The following EPHA5 variants were observed in gnomAD, a reference collection of about 807,000 sequenced individuals.
EPHA5 encodes the protein EPH receptor A5.
A neutral mutation model predicts 105.0 loss-of-function variants in EPHA5; 60 were observed. The ratio of observed to expected loss-of-function variants is 0.57; its 90% CI spans 0.46 to 0.71. The LOEUF (loss-of-function observed/expected upper bound fraction) is 0.71, where lower values mean the gene tolerates loss of function less well. Ranked by LOEUF, EPHA5 falls within the 30% of genes least tolerant of loss-of-function variation. The pLI, the probability that EPHA5 is intolerant of heterozygous loss-of-function variation, is 0.00. For synonymous variants in EPHA5, 513 were observed against 449.1 expected, an observed-to-expected ratio of 1.14 and a Z score of -1.80; for missense variants, 1,218 against 1,274.7, an observed-to-expected ratio of 0.96 and a Z score of 0.68.
At chr4:65,458,925 A>T (rs1012895864) in intron 5 of EPHA5, among the ~76,000 whole-genome samples, 4 of 152,114 alleles carry the variant, frequency 2.6e-5, no homozygotes, top group Non-Finnish European at 4.4e-5. Context: ...CATTAATATA[A>T]ATCAAAATAT....
At chr4:65,439,881 A>T (rs1051834402) in intron 5 of EPHA5, among the ~76,000 whole-genome samples, 1 of 152,130 alleles carries the variant, frequency 6.6e-6, no homozygotes, top group Non-Finnish European at 1.5e-5. Context: ...GATATTTTTA[A>T]AAAGCAAAAA....
At chr4:65,599,711 G>A (rs1743525406) in intron 3 of EPHA5, among the ~76,000 whole-genome samples, 1 of 152,116 alleles carries the variant, frequency 6.6e-6, no homozygotes, top group South Asian at 2.1e-4. Context: ...GTCCAGTTAA[G>A]TAAAGTTTTC....
rs563002661 is a variant in EPHA5 at position 65,382,640 on chromosome 4, A to G, written c.1794-15216T>C. On this transcript the variant is annotated intron_variant, in intron 8 of 16. Coordinates refer to ENST00000613740, the MANE Select transcript of EPHA5 (RefSeq NM_001281766.3). ...CAACAGTTCTCTACTCATGTGTAAC[A>G]CAGTGGTTCCAAACCTGGCTACACA... 9.2e-4 allele frequency among the ~76,000 whole-genome samples: 140 copies of G among 151,964 alleles called. 2 individuals are homozygous for G. The Middle Eastern group carries it at 0.014, about 15-fold the overall frequency.
intron 3 of EPHA5, among the ~76,000 whole-genome samples, chr4:65,590,281 G>A (rs1307566410): frequency 3.3e-5 from 5 of 152,052 alleles, no homozygotes; most frequent in Non-Finnish European, 7.4e-5. Context: ...AATCACTTTG[G>A]TTCTTACAGA....
intron 3 of EPHA5, among the ~76,000 whole-genome samples, chr4:65,518,787 C>A (rs1407595460): frequency 6.6e-6 from 1 of 151,814 alleles, no homozygotes; most frequent in African/African-American, 2.4e-5. Flanking sequence ...TCCCTGAGTA[C>A]AACAATAACA....
intron 1 of EPHA5, among the ~76,000 whole-genome samples, chr4:65,665,271 T>C (rs531054112): frequency 6.6e-6 from 1 of 152,006 alleles, no homozygotes; most frequent in East Asian, 1.9e-4. Flanking sequence ...GCAAATACAT[T>C]TAAAAAAGCA....
At chr4:65,416,697 G>A (rs534552738) in intron 6 of EPHA5, among the ~76,000 whole-genome samples, 3 of 152,236 alleles carry the variant, frequency 2.0e-5, no homozygotes, top group South Asian at 2.1e-4. Flanking sequence ...AACTGTTAAC[G>A]TTATGTATGT....
intron 8 of EPHA5, among the ~76,000 whole-genome samples, chr4:65,399,013 A>T (rs1397519909): frequency 6.6e-6 from 1 of 152,172 alleles, no homozygotes; most frequent in African/African-American, 2.4e-5. Context: ...ACGCCTCTCA[A>T]CTACACTCAC....
At chr4:65,531,472 T>C (rs1436892772) in intron 3 of EPHA5, among the ~76,000 whole-genome samples, 2 of 146,028 alleles carry the variant, frequency 1.4e-5, no homozygotes, top group South Asian at 2.1e-4. Flanking sequence ...CTTTGCAGAA[T>C]GACCATGATC....
At chr4:65,567,448 T>A (rs62300404) in intron 3 of EPHA5, among the ~76,000 whole-genome samples, 40,017 of 151,334 alleles carry the variant, frequency 0.26, 5,546 homozygotes, top group Middle Eastern at 0.39. Context: ...AACTTCAGAA[T>A]TTGGCTTTGT....
Position 65,323,589 on chromosome 4 carries a change from C to T in EPHA5, c.*525G>A. The T allele has an allele frequency of 4.3e-6, 1 of 230,194 alleles. No individual in the cohort carries two copies. Among genetic ancestry groups the T allele is most frequent in the African/African-American group, 2.2e-5 (1 of 45,240 alleles). The allele number at this position is 230,194 out of a possible 1,614,324, so 14.3% of individuals were successfully genotyped here. On this transcript the variant is annotated 3_prime_UTR_variant, in exon 17 of 17. Transcript: ENST00000613740. ...GTTTCTATAACTTAACGCTGTGTAACAGCATTTTAAAATTACAAAAGAAGA... is the reference window on the plus strand; with the variant it reads ...GTTTCTATAACTTAACGCTGTGTAATAGCATTTTAAAATTACAAAAGAAGA...
chr4:65,361,867 T>C (rs1717360426), intron 11 of EPHA5, among the ~76,000 whole-genome samples: 1 of 151,612 alleles, frequency 6.6e-6, no homozygotes, highest in Non-Finnish European at 1.5e-5. Flanking sequence ...GATCTTCCTT[T>C]GGTCAGTTTG....
At chr4:65,491,023 A>G (rs952796392) in intron 4 of EPHA5, among the ~76,000 whole-genome samples, 1 of 152,048 alleles carries the variant, frequency 6.6e-6, no homozygotes, top group African/African-American at 2.4e-5. Context: ...AAAATTATAT[A>G]TTTATAAACT....
chr4:65,545,238 C>A (rs909332304), intron 3 of EPHA5, among the ~76,000 whole-genome samples: 1 of 151,800 alleles, frequency 6.6e-6, no homozygotes, highest in Non-Finnish European at 1.5e-5. Flanking sequence ...GCTATCTTCC[C>A]TTCACTTAAC....
At chr4:65,457,374 G>A (rs1463645771) in intron 5 of EPHA5, among the ~76,000 whole-genome samples, 1 of 152,096 alleles carries the variant, frequency 6.6e-6, no homozygotes, top group Non-Finnish European at 1.5e-5. Context: ...AGCATTGAAT[G>A]ATTTGATTGA....
Position 65,669,728 on chromosome 4 carries a change from C to A in EPHA5, c.15G>T (p.Gly5=), listed in dbSNP as rs56063908. MRGS[G]PRGAGRRRPP... ...GCCGCCGGCGTCCCGCACCCCGGGGCCCCGAGCCCCGCATCTTCTCCGAGC... is the reference window on the plus strand; with the variant it reads ...GCCGCCGGCGTCCCGCACCCCGGGGACCCGAGCCCCGCATCTTCTCCGAGC... Residue 5 remains glycine (G), a synonymous_variant, in exon 1 of 17, where the codon GGG becomes GGT. Coordinates refer to ENST00000613740, the MANE Select transcript of EPHA5 (RefSeq NM_001281766.3). 2.3e-5 allele frequency: 29 copies of A among 1,264,812 alleles called. No homozygotes were observed. Among genetic ancestry groups the A allele is most frequent in the Non-Finnish European group, 5.0e-6 (5 of 1,004,116 alleles). 78.3% of individuals were successfully genotyped at this position (1,264,812 alleles called of 1,614,324 possible).
chr4:65,588,609 A>C (rs1292258431), intron 3 of EPHA5, among the ~76,000 whole-genome samples: 1 of 151,920 alleles, frequency 6.6e-6, no homozygotes, highest in Non-Finnish European at 1.5e-5. Context: ...AATTTCTTAT[A>C]CCCTCAGTTT....
In EPHA5 at chr4:65,601,529, C is replaced by T. The variant is rs1175281897; in HGVS notation, c.910+112G>A. The T allele has an allele frequency of 9.5e-6, 10 of 1,057,732 alleles. No homozygotes were observed. The East Asian group carries it at 1.9e-4, about 20-fold the overall frequency. The allele number at this position is 1,057,732 out of a possible 1,614,324, so 65.5% of individuals were successfully genotyped here. Reference sequence around the variant, plus strand: ...AAAAATAAAACTTGAGAGAAATAATCTCCATAAATTAGCAAAGTAAAAGGT... The same window carrying T: ...AAAAATAAAACTTGAGAGAAATAATTTCCATAAATTAGCAAAGTAAAAGGT... On this transcript the variant is annotated intron_variant, in intron 3 of 16. Coordinates refer to ENST00000613740, the MANE Select transcript of EPHA5 (RefSeq NM_001281766.3).
intron 5 of EPHA5, among the ~76,000 whole-genome samples, chr4:65,465,144 T>C (rs1444483511): frequency 6.6e-6 from 1 of 151,860 alleles, no homozygotes; most frequent in Non-Finnish European, 1.5e-5. Flanking sequence ...GTAATAGAAA[T>C]TGAGTAAGAG....
Sources: gnomAD v4.1 joint callset for allele counts (sites outside exome capture counted in the v4.1 genomes callset) on GRCh38, gnomAD v4.1.1 for gene constraint, MANE v1.5 for transcripts, NCBI Gene and HGNC (gene_info 2026-07-23, HGNC 2026-07-21) for gene names.